Variants in RBFOX1 observed in about 807,000 individuals in gnomAD.
RBFOX1 encodes RNA binding protein fox-1 homolog 1.
In RBFOX1, 8 loss-of-function variants were observed where a neutral mutation model predicts 57.7. The ratio of observed to expected loss-of-function variants is 0.14; its 90% CI spans 0.08 to 0.25. The LOEUF (loss-of-function observed/expected upper bound fraction) is 0.25. RBFOX1 is among the 10% of genes least tolerant of loss of function. The probability of loss-of-function intolerance (pLI) is 1.00; values close to 1 mark genes in which losing one functional copy is unlikely to be tolerated. For missense variants in RBFOX1, 611 were observed against 548.5 expected (o/e 1.11, Z -1.14); for synonymous variants, 326 against 222.4 (o/e 1.47, Z -4.15).
chr16:7,642,187 G>T (rs1021699229), intron 11 of RBFOX1, among the ~76,000 whole-genome samples: 6 of 152,162 alleles, frequency 3.9e-5, no homozygotes, highest in African/African-American at 1.2e-4. Flanking sequence ...ACTCCTGGAT[G>T]GTAGTTCCTT....
intron 3 of RBFOX1, among the ~76,000 whole-genome samples, chr16:6,684,448 A>C (rs1312408633): frequency 1.3e-5 from 2 of 152,244 alleles, no homozygotes; most frequent in African/African-American, 2.4e-5. Flanking sequence ...AGATGCAATC[A>C]ATTGCTGGCC....
intron 5 of RBFOX1, among the ~76,000 whole-genome samples, chr16:7,575,484 C>A (rs978404032): frequency 6.6e-6 from 1 of 151,974 alleles, no homozygotes; most frequent in South Asian, 2.1e-4. Context: ...GTTTCACCCC[C>A]GCAGAGGGAA....
chr16:7,381,516 TA>T (rs2097782030), intron 4 of RBFOX1, among the ~76,000 whole-genome samples: 1 of 147,344 alleles, frequency 6.8e-6, no homozygotes, highest in African/African-American at 2.7e-5. Flanking sequence ...CTTTTTTTTT[TA>T]TTTTATTAAC....
chr16:7,447,533 G>A (rs1367008374), intron 4 of RBFOX1, among the ~76,000 whole-genome samples: 1 of 151,830 alleles, frequency 6.6e-6, no homozygotes, highest in African/African-American at 2.4e-5. Flanking sequence ...CTGAAGTGAT[G>A]GTCTCTGAAG....
intron 3 of RBFOX1, among the ~76,000 whole-genome samples, chr16:6,663,579 C>A (rs1014319390): frequency 6.6e-6 from 1 of 152,274 alleles, no homozygotes; most frequent in South Asian, 2.1e-4. Context: ...AAGACCAAAG[C>A]GAAGATACTT....
chr16:7,149,372 C>T (rs1444838385), intron 4 of RBFOX1, among the ~76,000 whole-genome samples: 4 of 152,084 alleles, frequency 2.6e-5, no homozygotes, highest in Admixed American at 2.6e-4. Context: ...AAAGTACATC[C>T]ATTGATCCCC....
chr16:5,396,388 C>G (rs1008323016), intron 1 of RBFOX1, among the ~76,000 whole-genome samples: 1 of 152,078 alleles, frequency 6.6e-6, no homozygotes, highest in African/African-American at 2.4e-5. Flanking sequence ...CACCTGTAAT[C>G]CTAGGAATTT....
intron 14 of RBFOX1, among the ~76,000 whole-genome samples, chr16:7,697,137 CAGA>C (rs1203160426): frequency 6.6e-6 from 1 of 152,120 alleles, no homozygotes; most frequent in Admixed American, 6.5e-5. Flanking sequence ...TGCCAAAGAA[CAGA>C]AGAAACAGCA....
intron 1 of RBFOX1, among the ~76,000 whole-genome samples, chr16:6,144,550 A>G (rs899099151): frequency 6.6e-6 from 1 of 152,136 alleles, no homozygotes; most frequent in Non-Finnish European, 1.5e-5. Flanking sequence ...CATGCATTGG[A>G]TTTTCAATTT....
At chr16:7,224,334 C>G (rs974606060) in intron 4 of RBFOX1, among the ~76,000 whole-genome samples, 1 of 152,074 alleles carries the variant, frequency 6.6e-6, no homozygotes, top group Admixed American at 6.5e-5. Flanking sequence ...TATCAGTATA[C>G]TAATTCTACC....
intron 3 of RBFOX1, among the ~76,000 whole-genome samples, chr16:6,872,318 C>G (rs1206651002): frequency 6.6e-6 from 1 of 152,148 alleles, no homozygotes; most frequent in East Asian, 1.9e-4. Context: ...GTCTGTCTCC[C>G]TCTCTTCCTT....
chr16:5,306,045 C>A (rs1469107217), intron 1 of RBFOX1, among the ~76,000 whole-genome samples: 1 of 151,674 alleles, frequency 6.6e-6, no homozygotes, highest in Non-Finnish European at 1.5e-5. Flanking sequence ...TAGACACATA[C>A]ACAAAAGCAA....
chr16:7,464,688 CTTTTTTTTTTTTTT>C (rs57553411), intron 4 of RBFOX1, among the ~76,000 whole-genome samples: 7 of 62,232 alleles, frequency 1.1e-4, no homozygotes, highest in Non-Finnish European at 1.9e-4. Flanking sequence ...TATTGTCTGT[CTTTTTTTTTTTTTT>C]TTTTTTTTTT....
chr16:5,448,294 C>G (rs1385000058), intron 1 of RBFOX1, among the ~76,000 whole-genome samples: 1 of 152,120 alleles, frequency 6.6e-6, no homozygotes, highest in Non-Finnish European at 1.5e-5. Flanking sequence ...TAAACTGTTC[C>G]TCAAACTTAC....
chr16:7,194,929 C>CAA (rs59919051), intron 4 of RBFOX1, among the ~76,000 whole-genome samples: 7,708 of 134,068 alleles, frequency 0.057, 608 homozygotes, highest in African/African-American at 0.18. Context: ...CCCTGTTTCA[C>CAA]AAAAAAAAAA....
At chr16:5,830,901 C>G (rs186998610) in intron 3 of RBFOX1, among the ~76,000 whole-genome samples, 3 of 152,298 alleles carry the variant, frequency 2.0e-5, no homozygotes, top group Non-Finnish European at 4.4e-5. Flanking sequence ...GACATTTGAG[C>G]CTCTCCTGTG....
intron 3 of RBFOX1, among the ~76,000 whole-genome samples, chr16:6,918,946 C>A (rs2073863250): frequency 6.6e-6 from 1 of 152,066 alleles, no homozygotes; most frequent in South Asian, 2.1e-4. Context: ...CTATTTCAAA[C>A]ACCATTTCTC....
chr16:6,598,019 T>A (rs973879330), intron 2 of RBFOX1, among the ~76,000 whole-genome samples: 1 of 152,222 alleles, frequency 6.6e-6, no homozygotes, highest in Non-Finnish European at 1.5e-5. Flanking sequence ...GAATTCTTAT[T>A]TAAGACAAAA....
At chr16:6,876,091 T>C (rs2061794544) in intron 3 of RBFOX1, among the ~76,000 whole-genome samples, 1 of 151,868 alleles carries the variant, frequency 6.6e-6, no homozygotes, top group Non-Finnish European at 1.5e-5. Flanking sequence ...GAGGGTCACT[T>C]GATCCAGAAG....
Sources: allele counts gnomAD v4.1 joint callset (sites outside exome capture counted in the v4.1 genomes callset), GRCh38; gene constraint gnomAD v4.1.1; transcripts MANE v1.5; gene names NCBI Gene and HGNC (gene_info 2026-07-23, HGNC 2026-07-21).